ADORA3: variants seen among roughly 807,000 people sequenced by gnomAD.
ADORA3 encodes the protein adenosine A3 receptor, also known as adenosine receptor A3.
In ADORA3, 3 loss-of-function variants were observed where a neutral mutation model predicts 5.7. The ratio of observed to expected loss-of-function variants is 0.52; its 90% confidence interval spans 0.24 to 1.35. The LOEUF is 1.35. Among genes scored for constraint, ADORA3 ranks in the 40% most tolerant of loss-of-function variants. The pLI, the probability that ADORA3 is intolerant of heterozygous loss-of-function variation, is 0.17. For synonymous variants in ADORA3, 168 were observed against 152.3 expected (o/e 1.10, Z -0.76); for missense variants, 343 against 389.0 (o/e 0.88, Z 0.99).
chr1:111,499,446 T>TTTA lies in ADORA3; in HGVS notation c.*501_*503dup. Reference sequence around the variant, plus strand: ...CACTCCAGTTAGCTATTAGCTTTTATTTACTCAAAAACATCCACAGGTGAA... The same window carrying TTTA: ...CACTCCAGTTAGCTATTAGCTTTTATTTATTACTCAAAAACATCCACAGGTGAA... On this transcript the variant is annotated 3_prime_UTR_variant, in exon 2 of 2. Transcript: ENST00000241356. 1.0e-6 allele frequency: 1 copy of TTTA among 991,968 alleles called. No individual in the cohort carries two copies. Among genetic ancestry groups the TTTA allele is most frequent in the Non-Finnish European group, 1.2e-6 (1 of 833,402 alleles). 61.4% of individuals were successfully genotyped at this position (991,968 alleles called of 1,614,324 possible).
chr1:111,503,071 TG>T lies in ADORA3; in HGVS notation c.283del (p.His95ThrfsTer49). On this transcript the variant is annotated frameshift_variant, in exon 1 of 2. Transcript: ENST00000241356. LOFTEE classifies it high-confidence loss of function. ...FMTCLLLIFT[H>X]ASIMSLLAIA... ...GGCCAGCAAGGACATGATGGAGGCG[TG>T]GGTAAAGATAAGCAGTAGGCAAGTC... 1 of 1,613,852 alleles carries T rather than the reference TG, an allele frequency of 6.2e-7. No homozygotes were observed. The highest frequency in any genetic ancestry group is 8.5e-7 in the Non-Finnish European group (1 of 1,179,976).
chr1:111,499,814 G>A lies in ADORA3; in HGVS notation c.*136C>T. The A allele has an allele frequency of 6.7e-7, 1 of 1,496,216 alleles. No homozygotes were observed. The highest frequency in any genetic ancestry group is 1.4e-5 in the South Asian group (1 of 72,186). The allele number at this position is 1,496,216 out of a possible 1,614,324, so 92.7% of individuals were successfully genotyped here. ...GTGGAGTGGGGGAGATATAATTGGG[G>A]AGCACTGGAGATGCTCCCACCTCAG... On this transcript the variant is annotated 3_prime_UTR_variant, in exon 2 of 2. Transcript: ENST00000241356.
In ADORA3 at chr1:111,500,167, G is replaced by A. The variant is rs1655092468; in HGVS notation, c.740C>T (p.Ser247Phe). The change falls in exon 2 of 2, where the codon TCT (serine) becomes TTT (phenylalanine). Residue 247 changes from serine to phenylalanine, a missense_variant. Physicochemically the swap from Ser to Phe is radical, Grantham distance 155. Transcript: ENST00000241356. ...FLFALSWLPL[S>F]IINCIIYFNG... ...AAAGTAGATGATGCAGTTGATGATA[G>A]ATAAAGGCAGCCATGACAGAGCAAA... 1.2e-6 allele frequency: 2 copies of A among 1,614,068 alleles called. No homozygotes were observed. The highest frequency in any genetic ancestry group is 1.3e-5 in the African/African-American group (1 of 74,920).
chr1:111,500,658 T>C (rs1655128726), intron 1 of ADORA3, 102 bp from the exon 2 acceptor site: 14 of 1,119,686 alleles, frequency 1.3e-5, no homozygotes, highest in Non-Finnish European at 1.3e-6. Context: ...ATAAGGCATA[T>C]ACTCTCTTAA....
intron 1 of ADORA3, chr1:111,500,909 T>C (rs529502687): frequency 4.9e-4 from 180 of 369,448 alleles, no homozygotes; most frequent in Non-Finnish European, 6.9e-4. Context: ...CTGTTACCTA[T>C]CTTTTCTTTT....
intron 1 of ADORA3, among the ~76,000 whole-genome samples, chr1:111,502,174 A>G (rs2265692): frequency 0.013 from 365 of 29,122 alleles, 29 homozygotes; most frequent in East Asian, 0.05. Context: ...TTATTATAAT[A>G]AATATATAGG....
chr1:111,499,715 T>A lies in ADORA3; in HGVS notation c.*235A>T, dbSNP rs768335245. Reference sequence around the variant, plus strand: ...AGACAATAATATCAATAATACGTTGTCCCCAAGTCAGGCCTCCAAAACACT... The same window carrying A: ...AGACAATAATATCAATAATACGTTGACCCCAAGTCAGGCCTCCAAAACACT... On this transcript the variant is annotated 3_prime_UTR_variant, in exon 2 of 2. Coordinates refer to ENST00000241356, the MANE Select transcript of ADORA3 (RefSeq NM_000677.4). The A allele has an allele frequency of 2.1e-5, 28 of 1,348,760 alleles. No individual in the cohort carries two copies. Among genetic ancestry groups the A allele is most frequent in the Non-Finnish European group, 2.7e-5 (28 of 1,046,874 alleles). 83.5% of individuals were successfully genotyped at this position (1,348,760 alleles called of 1,614,324 possible).
Position 111,500,310 on chromosome 1 carries a change from G to A in ADORA3, c.597C>T (p.Asp199=), listed in dbSNP as rs193073771. Residue 199 remains aspartate (D), a synonymous_variant, in exon 2 of 2, where the codon GAC becomes GAT. Transcript: ENST00000241356. ...PLVVMCAIYL[D]IFYIIRNKLS... is the part of the protein sequence containing the mutation. ...GTTTGTTCCGAATGATGTAAAAGAT[G>A]TCAAGATAGATGGCGCACATGACAA... is the stretch of plus-strand genomic sequence containing the variant. 4.3e-6 allele frequency: 7 copies of A among 1,614,232 alleles called. No individual in the cohort carries two copies. The East Asian group carries it at 1.1e-4, about 26-fold the overall frequency.
chr1:111,503,070 G>A lies in ADORA3; in HGVS notation c.285C>T (p.His95=), dbSNP rs374838395. 5.5e-5 allele frequency: 88 copies of A among 1,614,112 alleles called. No individual in the cohort carries two copies. The highest frequency in any genetic ancestry group is 5.1e-4 in the African/African-American group (38 of 74,924). ...FMTCLLLIFT[H]ASIMSLLAIA... is the part of the protein sequence containing the mutation. ...TGGCCAGCAAGGACATGATGGAGGC[G>A]TGGGTAAAGATAAGCAGTAGGCAAG... is the stretch of plus-strand genomic sequence containing the variant. The change falls in exon 1 of 2, where the codon CAC becomes CAT. Residue 95 remains histidine (H), a synonymous_variant. Transcript: ENST00000241356.
At position 111,500,274 on chromosome 1, in the gene ADORA3, G is replaced by A. The variant is rs1655101972; in HGVS notation, c.633C>T (p.Asn211=). Residue 211 remains asparagine (N), a synonymous_variant, in exon 2 of 2, where the codon AAC becomes AAT. Coordinates refer to ENST00000241356, the MANE Select transcript of ADORA3 (RefSeq NM_000677.4). The part of the protein sequence containing the change: ...FYIIRNKLSL[N]LSNSKETGAF... ...CACCTGTCTCTTTGGAGTTAGATAA[G>A]TTCAGACTGAGTTTGTTCCGAATGA... 3.1e-6 allele frequency: 5 copies of A among 1,614,212 alleles called. No homozygotes were observed. Among genetic ancestry groups the A allele is most frequent in the Non-Finnish European group, 4.2e-6 (5 of 1,180,044 alleles).
chr1:111,503,064 G>A lies in ADORA3; in HGVS notation c.291C>T (p.Ser97=), dbSNP rs146743726. 2.5e-6 allele frequency: 4 copies of A among 1,614,222 alleles called. No homozygotes were observed. The highest frequency in any genetic ancestry group is 8.5e-7 in the Non-Finnish European group (1 of 1,180,052). ...CAGCGATGGCCAGCAAGGACATGATGGAGGCGTGGGTAAAGATAAGCAGTA... is the reference window on the plus strand; with the variant it reads ...CAGCGATGGCCAGCAAGGACATGATAGAGGCGTGGGTAAAGATAAGCAGTA... The part of the protein sequence containing the change: ...TCLLLIFTHA[S]IMSLLAIAVD... The change falls in exon 1 of 2, where the codon TCC becomes TCT. Residue 97 remains serine, a synonymous_variant. Transcript: ENST00000241356.
chr1:111,503,388 G>T lies in ADORA3; in HGVS notation c.-34C>A, dbSNP rs777590002. 11 of 1,574,528 alleles carry T rather than the reference G, an allele frequency of 7.0e-6. No homozygotes were observed. In the Middle Eastern group the frequency reaches 5.0e-4, roughly 72 times the overall value. ...CCCAGGGGAACCTCCACAGGGACAG[G>T]TGAGCCAGCAAGATCCGTCTGTAGG... is the stretch of plus-strand genomic sequence containing the variant. On this transcript the variant is annotated 5_prime_UTR_variant, in exon 1 of 2. Transcript: ENST00000241356.
rs1331347948 is a variant in ADORA3, at chr1:111,502,334, A to G, written c.350+671T>C. 3.6e-5 allele frequency among the ~76,000 whole-genome samples: 5 copies of G among 139,388 alleles called. No homozygotes were observed. The East Asian group carries it at 1.0e-3, about 28-fold the overall frequency. 91.4% of individuals were successfully genotyped at this position (139,388 alleles called of 152,430 possible). The stretch of plus-strand genomic sequence containing the variant: ...TATAATGAATATATATAGGATACAT[A>G]TATTTATTATAATGAATATATATAG... On this transcript the variant is annotated intron_variant, in intron 1 of 1. Transcript: ENST00000241356.
Position 111,499,725 on chromosome 1 carries a change from A to G in ADORA3, c.*225T>C. 3 of 1,371,240 alleles carry G rather than the reference A, an allele frequency of 2.2e-6. No individual in the cohort carries two copies. The South Asian group carries it at 4.9e-5, about 22-fold the overall frequency. The allele number at this position is 1,371,240 out of a possible 1,614,324, so 84.9% of individuals were successfully genotyped here. A position where few individuals can be genotyped will look rare whatever the true frequency, so the allele number is the denominator to read the frequency against. ...ATCAATAATACGTTGTCCCCAAGTC[A>G]GGCCTCCAAAACACTGAATTAGAGA... On this transcript the variant is annotated 3_prime_UTR_variant, in exon 2 of 2. Transcript: ENST00000241356.
At chr1:111,500,700 T>C (rs1655130941) in intron 1 of ADORA3, 144 bp from the exon 2 acceptor site, 6 of 796,568 alleles carry the variant, frequency 7.5e-6, no homozygotes, top group East Asian at 4.9e-5. Flanking sequence ...GAGGGCAGCA[T>C]TGATATCCTA....
rs1655336216 is a variant in ADORA3, at chr1:111,503,117, A to C, written c.238T>G (p.Phe80Val). The stretch of plus-strand genomic sequence containing the variant: ...CAAGTCATAAAAAGGCAGCTGTAGA[A>C]GTGGATTGTGATGCCCAGGCTGACA... ...IVVSLGITIH[F>V]YSCLFMTCLL... The change falls in exon 1 of 2, where the codon TTC becomes GTC. Residue 80 changes from phenylalanine to valine, a missense_variant. Transcript: ENST00000241356. 1 of 1,614,094 alleles carries C rather than the reference A, an allele frequency of 6.2e-7. No homozygotes were observed. Among genetic ancestry groups the C allele is most frequent in the Admixed American group, 1.7e-5 (1 of 60,008 alleles).
In ADORA3 at chr1:111,500,088, G is replaced by T. The variant is rs775118942; in HGVS notation, c.819C>A (p.Ala273=). 5.4e-5 allele frequency: 87 copies of T among 1,614,054 alleles called. No homozygotes were observed. The highest frequency in any genetic ancestry group is 7.1e-5 in the Non-Finnish European group (84 of 1,180,024). ...VLYMGILLSH[A]NSMMNPIVYA... ...AGACGATAGGGTTCATCATGGAGTT[G>T]GCATGGGACAGCAGGATGCCCATGT... Residue 273 remains alanine (A), a synonymous_variant, in exon 2 of 2, where the codon GCC becomes GCA. Coordinates refer to ENST00000241356, the MANE Select transcript of ADORA3 (RefSeq NM_000677.4).
intron 1 of ADORA3, among the ~76,000 whole-genome samples, chr1:111,501,785 T>C (rs2065992): frequency 0.79 from 120,472 of 151,578 alleles, 47,907 homozygotes; most frequent in Middle Eastern, 0.89. Context: ...GATTTGAACC[T>C]AGACTGTCTA....
chr1:111,503,439 C>T lies in ADORA3; in HGVS notation c.-85G>A, dbSNP rs1017096647. The T allele has an allele frequency of 6.8e-5, 102 of 1,497,274 alleles. No individual in the cohort carries two copies. Among genetic ancestry groups the T allele is most frequent in the African/African-American group, 2.5e-4 (18 of 72,018 alleles). 92.7% of individuals were successfully genotyped at this position (1,497,274 alleles called of 1,614,324 possible). A position where few individuals can be genotyped will look rare whatever the true frequency, so the allele number is the denominator to read the frequency against. ...GCCAGTGGGCCTAGCTCTCGCCAGA[C>T]GTCTTCCCAGAGGTCCATGTGCAGT... is the stretch of plus-strand genomic sequence containing the variant. On this transcript the variant is annotated 5_prime_UTR_variant, in exon 1 of 2. Transcript: ENST00000241356.
Sources: allele counts gnomAD v4.1 joint callset (sites outside exome capture counted in the v4.1 genomes callset), GRCh38; gene constraint gnomAD v4.1.1; transcripts MANE v1.5; gene names NCBI Gene and HGNC (gene_info 2026-07-23, HGNC 2026-07-21).